CAPZB: variants seen among roughly 807,000 people sequenced by gnomAD.
CAPZB encodes the protein F-actin-capping protein subunit beta.
Under a neutral mutation model 38.1 loss-of-function variants are expected in CAPZB, and 2 were observed. That is an observed-to-expected ratio of 0.05 (90% CI 0.02 to 0.17). The LOEUF (loss-of-function observed/expected upper bound fraction) is 0.17, where lower values mean the gene tolerates loss of function less well. Among genes scored for constraint, CAPZB ranks in the 10% least tolerant of loss-of-function variants. The pLI is 1.00. For synonymous variants in CAPZB, 107 were observed against 127.4 expected (o/e 0.84, Z 1.08); for missense variants, 161 against 334.2 (o/e 0.48, Z 4.04).
In CAPZB at chr1:19,406,612, C is replaced by T. The variant is rs149049087; in HGVS notation, c.93+13049G>A. On this transcript the variant is annotated intron_variant, in intron 2 of 8. Transcript: ENST00000264202. ...TGACGGAGAAGACAGGCTTTGCAGA[C>T]GGGTAGATCCCAACTCTGCTCCTTA... Among the ~76,000 whole-genome samples, 7 of 152,262 alleles carry T rather than the reference C, an allele frequency of 4.6e-5. No homozygotes were observed. In the East Asian group the frequency reaches 5.8e-4, roughly 13 times the overall value.
intron 1 of CAPZB, among the ~76,000 whole-genome samples, chr1:19,461,796 A>G (rs185245109): frequency 1.3e-5 from 2 of 152,330 alleles, no homozygotes; most frequent in Admixed American, 1.3e-4. Flanking sequence ...ATAACAGGCG[A>G]ATTACCTACC....
intron 1 of CAPZB, among the ~76,000 whole-genome samples, chr1:19,444,566 C>T (rs2094490082): frequency 6.6e-6 from 1 of 152,224 alleles, no homozygotes; most frequent in Admixed American, 6.5e-5. Flanking sequence ...ACCCTGCCAT[C>T]TTCCCAGGCC....
At chr1:19,389,647 C>G (rs2094222281) in intron 2 of CAPZB, among the ~76,000 whole-genome samples, 1 of 152,106 alleles carries the variant, frequency 6.6e-6, no homozygotes, top group African/African-American at 2.4e-5. Flanking sequence ...AGGATGGTCT[C>G]TATCTCCTAA....
In CAPZB at chr1:19,356,523, C is replaced by G. The variant is rs1245244212; in HGVS notation, c.588+112G>C. The stretch of plus-strand genomic sequence containing the variant: ...CCCTACTTAGATGGTGGATTTATAG[C>G]TGGCTGAACATGCTTACCCTAAATG... On this transcript the variant is annotated intron_variant, in intron 6 of 8. Transcript: ENST00000264202. This position sits in a 1 kb window ranked among gnomAD's most constrained non-coding sequence, Gnocchi z 4.3. 2.6e-6 allele frequency: 2 copies of G among 778,482 alleles called. No homozygotes were observed. Among genetic ancestry groups the G allele is most frequent in the African/African-American group, 3.4e-5 (2 of 59,000 alleles). The allele number at this position is 778,482 out of a possible 1,614,324, so 48.2% of individuals were successfully genotyped here.
intron 3 of CAPZB, among the ~76,000 whole-genome samples, chr1:19,382,605 T>A (rs1172788686): frequency 6.6e-6 from 1 of 152,084 alleles, no homozygotes; most frequent in Non-Finnish European, 1.5e-5. Context: ...GGCTCCTCTC[T>A]AAAGGCCTGA....
intron 1 of CAPZB, among the ~76,000 whole-genome samples, chr1:19,475,119 C>T (rs1230047315): frequency 2.0e-5 from 3 of 152,164 alleles, no homozygotes; most frequent in Non-Finnish European, 4.4e-5. Context: ...ATAATAACAT[C>T]GTGTTGTGGT....
chr1:19,466,703 G>A (rs986028783), intron 1 of CAPZB, among the ~76,000 whole-genome samples: 3 of 152,298 alleles, frequency 2.0e-5, no homozygotes, highest in South Asian at 2.1e-4. Context: ...CTCTTTTCAC[G>A]CCTGCAGCAT....
At chr1:19,474,937 G>A (rs2094601773) in intron 1 of CAPZB, among the ~76,000 whole-genome samples, 1 of 152,140 alleles carries the variant, frequency 6.6e-6, no homozygotes, top group Non-Finnish European at 1.5e-5. Context: ...TCATGGAGAG[G>A]CAGGTGCATG....
intron 2 of CAPZB, among the ~76,000 whole-genome samples, chr1:19,388,512 T>C (rs1370487915): frequency 6.6e-6 from 1 of 152,226 alleles, no homozygotes; most frequent in African/African-American, 2.4e-5. Context: ...AAAGCACTTG[T>C]CCAGAACTAA....
At chr1:19,392,340 A>G (rs1456816310) in intron 2 of CAPZB, among the ~76,000 whole-genome samples, 1 of 151,932 alleles carries the variant, frequency 6.6e-6, no homozygotes, top group Non-Finnish European at 1.5e-5. Context: ...GCAGGGAAAA[A>G]TAACAGGGGC....
At chr1:19,476,231 G>C (rs1269245482) in intron 1 of CAPZB, among the ~76,000 whole-genome samples, 2 of 149,974 alleles carry the variant, frequency 1.3e-5, no homozygotes, top group Non-Finnish European at 3.0e-5. Flanking sequence ...TAGATAGGCA[G>C]GCAGGCAGGC....
chr1:19,396,618 C>CG lies in CAPZB; in HGVS notation c.94-10993dup, dbSNP rs1485351106. On this transcript the variant is annotated intron_variant, in intron 2 of 8. Transcript: ENST00000264202. ...CTCTTCCCGGACGGTCCTCAGTCCTCGGTCCAGCTTTCTCAGTCCACATTT... is the reference window on the plus strand; with the variant it reads ...CTCTTCCCGGACGGTCCTCAGTCCTCGGGTCCAGCTTTCTCAGTCCACATTT... Among the ~76,000 whole-genome samples the CG allele has an allele frequency of 2.3e-4, 35 of 152,222 alleles. No homozygotes were observed. The Middle Eastern group carries it at 0.017, about 74-fold the overall frequency.
chr1:19,480,135 C>T (rs1054582655), intron 1 of CAPZB, among the ~76,000 whole-genome samples: 6 of 152,144 alleles, frequency 3.9e-5, no homozygotes, highest in Non-Finnish European at 8.8e-5. Flanking sequence ...TTTTCTAGTA[C>T]TACTTCATTC....
chr1:19,366,283 A>AAAATATATATATAT (rs2094085270), intron 4 of CAPZB, among the ~76,000 whole-genome samples: 1 of 60,504 alleles, frequency 1.7e-5, no homozygotes, highest in African/African-American at 6.4e-5. Context: ...CGTGTCTTAA[A>AAAATATATATATAT]ATATATATAT....
chr1:19,398,534 G>C (rs552404183), intron 2 of CAPZB, among the ~76,000 whole-genome samples: 1 of 152,300 alleles, frequency 6.6e-6, no homozygotes, highest in South Asian at 2.1e-4. Flanking sequence ...GGGGGAGCGG[G>C]TGCTAAGGCA....
intron 1 of CAPZB, among the ~76,000 whole-genome samples, chr1:19,452,833 T>C (rs1439147262): frequency 6.8e-6 from 1 of 147,098 alleles, no homozygotes; most frequent in Non-Finnish European, 1.5e-5. Context: ...AGATGGAGTC[T>C]CACTCTGTCG....
chr1:19,386,996 A>G (rs1333551494), intron 2 of CAPZB, among the ~76,000 whole-genome samples: 1 of 152,296 alleles, frequency 6.6e-6, no homozygotes, highest in Non-Finnish European at 1.5e-5. Context: ...CATAATAAAA[A>G]TGGGGGCTAC....
chr1:19,421,614 T>A (rs2094401253), intron 1 of CAPZB, among the ~76,000 whole-genome samples: 1 of 152,252 alleles, frequency 6.6e-6, no homozygotes, highest in African/African-American at 2.4e-5. Context: ...AGTGATGGGT[T>A]TGGCCCACTG....
intron 2 of CAPZB, among the ~76,000 whole-genome samples, chr1:19,417,934 T>C (rs1218498991): frequency 6.6e-6 from 1 of 151,944 alleles, no homozygotes; most frequent in Non-Finnish European, 1.5e-5. Context: ...GTCAAGAGTT[T>C]GAGACAAGCT....
Sources: gnomAD v4.1 joint callset for allele counts (sites outside exome capture counted in the v4.1 genomes callset) on GRCh38, gnomAD v4.1.1 for gene constraint, Gnocchi (gnomAD v3.1) non-coding constraint, MANE v1.5 for transcripts, NCBI Gene and HGNC (gene_info 2026-07-23, HGNC 2026-07-21) for gene names.